The following KIF1A variants were observed in gnomAD, a reference collection of about 807,000 sequenced individuals.
KIF1A encodes kinesin family member 1A.
KIF1A carries 46 observed loss-of-function variants against 227.3 expected under a neutral mutation model. The observed-to-expected ratio is 0.20, with a 90% CI of 0.16 to 0.26. KIF1A has a LOEUF of 0.26. Among genes scored for constraint, KIF1A ranks in the 10% least tolerant of loss-of-function variants. KIF1A has a pLI of 1.00. For synonymous variants in KIF1A, 1,022 were observed against 1,012.8 expected (o/e 1.01, Z -0.17); for missense variants, 1,683 against 2,485.9 (o/e 0.68, Z 6.87).
intron 28 of KIF1A, among the ~76,000 whole-genome samples, chr2:240,747,767 C>T (rs1435702425): frequency 6.6e-6 from 1 of 152,170 alleles, no homozygotes; most frequent in Non-Finnish European, 1.5e-5. Context: ...TCAAGGGCCA[C>T]CAACCGCCCC....
chr2:240,786,951 A>G (rs976300473), intron 5 of KIF1A, among the ~76,000 whole-genome samples: 1 of 152,014 alleles, frequency 6.6e-6, no homozygotes, highest in Non-Finnish European at 1.5e-5. Flanking sequence ...CACACATGCC[A>G]GGGCCACCCC....
chr2:240,749,005 C>T (rs941565693), intron 28 of KIF1A, among the ~76,000 whole-genome samples: 3 of 151,936 alleles, frequency 2.0e-5, no homozygotes, highest in African/African-American at 4.8e-5. Context: ...CCTGTAGTCC[C>T]AGCTACTCTA....
At chr2:240,786,546 TGAG>T (rs905072421) in intron 5 of KIF1A, 33 bp from the exon 6 acceptor site, 2 of 1,596,960 alleles carry the variant, frequency 1.3e-6, no homozygotes, top group African/African-American at 2.8e-5. Context: ...CAGGGGCCCC[TGAG>T]GCGAGGGAGT....
At chr2:240,746,258 G>A in intron 29 of KIF1A, 81 bp from the exon 30 acceptor site, 1 of 1,499,070 alleles carries the variant, frequency 6.7e-7, no homozygotes, top group Middle Eastern at 2.1e-4. Context: ...CAGGCCCACG[G>A]GAGGGCTGTG....
At position 240,736,316 on chromosome 2, in the gene KIF1A, G is replaced by A. The variant is rs1189288990; in HGVS notation, c.4007+747C>T. Among the ~76,000 whole-genome samples the A allele has an allele frequency of 6.6e-6, 1 of 152,108 alleles. No homozygotes were observed. Among genetic ancestry groups the A allele is most frequent in the Admixed American group, 6.5e-5 (1 of 15,276 alleles). ...AGGTCGAGCCCCCAGGGAGCAGCCA[G>A]GACTGGACACTGGAGCCCCCGCCTC... On this transcript the variant is annotated intron_variant, in intron 38 of 48. Transcript: ENST00000498729. The surrounding 1 kb of genome is among the most constrained non-coding windows in gnomAD (Gnocchi z 4.7).
intron 1 of KIF1A, among the ~76,000 whole-genome samples, chr2:240,802,825 T>TCA (rs1334377935): frequency 1.3e-5 from 2 of 152,158 alleles, no homozygotes; most frequent in Non-Finnish European, 2.9e-5. Flanking sequence ...GGATGGGGTT[T>TCA]CACTATGTTA....
intron 10 of KIF1A, 150 bp downstream of exon 10, chr2:240,782,440 C>T (rs1345998113): frequency 6.0e-6 from 6 of 997,098 alleles, no homozygotes; most frequent in African/African-American, 1.6e-5. Context: ...CTCCCACACC[C>T]GCTTTCTTCC....
intron 1 of KIF1A, chr2:240,818,880 G>T (rs1400311504): frequency 6.6e-6 from 1 of 152,632 alleles, no homozygotes; most frequent in East Asian, 1.9e-4. Context: ...GCCCTGGCAG[G>T]CCTTTAATTC....
intron 29 of KIF1A, among the ~76,000 whole-genome samples, chr2:240,746,987 G>A (rs535993600): frequency 4.7e-4 from 72 of 152,288 alleles, no homozygotes; most frequent in African/African-American, 1.4e-3. Context: ...CCTGCTCTGC[G>A]CCCCGACTTG....
chr2:240,737,240 G>A (rs1398537610), intron 37 of KIF1A, 72 bp from the exon 38 acceptor site: 7 of 1,197,314 alleles, frequency 5.8e-6, no homozygotes, highest in African/African-American at 4.5e-5. Context: ...TGCCTCAGGT[G>A]GGGGTCCTGT....
chr2:240,785,578 G>A (rs949703093), intron 6 of KIF1A, among the ~76,000 whole-genome samples: 10 of 152,182 alleles, frequency 6.6e-5, no homozygotes, highest in African/African-American at 2.4e-4. Flanking sequence ...GCTGAGGGTG[G>A]CCTGGAGTTG....
chr2:240,787,166 A>G lies in KIF1A; in HGVS notation c.429+85T>C, dbSNP rs961211071. ...CTGGGCGTGCAGACCCGTGGTGGGC[A>G]CTCACTTTGCATCAGAAAAGCACTG... is the stretch of plus-strand genomic sequence containing the variant. On this transcript the variant is annotated intron_variant, in intron 5 of 48. Coordinates refer to ENST00000498729, the MANE Select transcript of KIF1A (RefSeq NM_001244008.2). The G allele has an allele frequency of 4.6e-5, 51 of 1,101,458 alleles. No homozygotes were observed. In the African/African-American group the frequency reaches 7.4e-4, roughly 16 times the overall value. The allele number at this position is 1,101,458 out of a possible 1,614,324, so 68.2% of individuals were successfully genotyped here.
At chr2:240,718,910 G>T in intron 47 of KIF1A, 96 bp downstream of exon 47, 1 of 994,988 alleles carries the variant, frequency 1.0e-6, no homozygotes, top group Non-Finnish European at 1.5e-6. Context: ...GAGCAGATGG[G>T]CCTCCTGCTC....
Position 240,744,052 on chromosome 2 carries a change from C to T in KIF1A, c.3474G>A (p.Val1158=). ...ACTCAATGAAGGACTTGGTCACCTC[C>T]ACTGCGATCTGGTGGGCAGGCAGGT... ...LGFYHVQNIA[V]EVTKSFIEYI... Residue 1158 remains valine (V), a synonymous_variant, in exon 33 of 49, where the codon GTG becomes GTA. Transcript: ENST00000498729. 6.2e-7 allele frequency: 1 copy of T among 1,611,962 alleles called. No individual in the cohort carries two copies. The highest frequency in any genetic ancestry group is 8.5e-7 in the Non-Finnish European group (1 of 1,178,152).
chr2:240,792,053 G>A lies in KIF1A; in HGVS notation c.107-2741C>T, dbSNP rs1339507459. ...CCCTCCCACACCCTGTGCTGTGGCT[G>A]GGAACCATCCTCTGTCACTACAGAT... On this transcript the variant is annotated intron_variant, in intron 2 of 48. Transcript: ENST00000498729. The surrounding 1 kb of genome is among the most constrained non-coding windows in gnomAD (Gnocchi z 4.5). Among the ~76,000 whole-genome samples the A allele has an allele frequency of 6.6e-6, 1 of 151,622 alleles. No homozygotes were observed. The highest frequency in any genetic ancestry group is 2.4e-5 in the African/African-American group (1 of 41,238).
At chr2:240,818,063 A>AG (rs1334491995) in intron 1 of KIF1A, among the ~76,000 whole-genome samples, 1 of 152,096 alleles carries the variant, frequency 6.6e-6, no homozygotes, top group Non-Finnish European at 1.5e-5. Context: ...GGAGGCACCC[A>AG]GGGGGGCAGC....
In KIF1A at chr2:240,790,953, C is replaced by T. The variant is rs934965863; in HGVS notation, c.107-1641G>A. 2.6e-5 allele frequency among the ~76,000 whole-genome samples: 4 copies of T among 152,178 alleles called. No homozygotes were observed. Among genetic ancestry groups the T allele is most frequent in the Non-Finnish European group, 4.4e-5 (3 of 68,032 alleles). On this transcript the variant is annotated intron_variant, in intron 2 of 48. Coordinates refer to ENST00000498729, the MANE Select transcript of KIF1A (RefSeq NM_001244008.2). The surrounding 1 kb of genome is among the most constrained non-coding windows in gnomAD (Gnocchi z 5.0). ...TGGCAGTTCAGGGCACTGAGACCCC[C>T]TCTGGCCAAGCGTCTTGCTGACAGC...
chr2:240,772,717 C>A, intron 13 of KIF1A, 121 bp from the exon 14 acceptor site: 1 of 770,220 alleles, frequency 1.3e-6, no homozygotes, highest in Non-Finnish European at 2.2e-6. Flanking sequence ...TGTGTGGCCA[C>A]AAGCAGGGTG....
At position 240,769,585 on chromosome 2, in the gene KIF1A, G is replaced by A. The variant is rs1377818259; in HGVS notation, c.1421+42C>T. ...TCCTGCCCAGGCTCCGGGCTTGCTG[G>A]CTGCACCCCTCCCCCTGGGCCTCAG... On this transcript the variant is annotated intron_variant, in intron 16 of 48. Coordinates refer to ENST00000498729, the MANE Select transcript of KIF1A (RefSeq NM_001244008.2). The A allele has an allele frequency of 1.9e-6, 3 of 1,546,056 alleles. No homozygotes were observed. In the African/African-American group the frequency reaches 4.1e-5, roughly 21 times the overall value.
Sources: allele counts gnomAD v4.1 joint callset (sites outside exome capture counted in the v4.1 genomes callset), GRCh38; gene constraint gnomAD v4.1.1; non-coding constraint Gnocchi (gnomAD v3.1); transcripts MANE v1.5; gene names NCBI Gene and HGNC (gene_info 2026-07-23, HGNC 2026-07-21).